The following PTPRQ variants were observed in gnomAD, a reference collection of about 807,000 sequenced individuals.
The protein encoded by PTPRQ is phosphatidylinositol phosphatase PTPRQ.
A neutral mutation model predicts 246.0 loss-of-function variants in PTPRQ; 199 were observed. The ratio of observed to expected loss-of-function variants is 0.81; its 90% CI spans 0.72 to 0.91. The LOEUF (loss-of-function observed/expected upper bound fraction) is 0.91, where lower values mean the gene tolerates loss of function less well. PTPRQ is among the 40% of genes least tolerant of loss of function. PTPRQ has a pLI of 0.00. For missense variants in PTPRQ, 2,624 were observed against 2,528.4 expected (o/e 1.04, Z -0.81); for synonymous variants, 869 against 853.2 (o/e 1.02, Z -0.32).
intron 33 of PTPRQ, among the ~76,000 whole-genome samples, chr12:80,630,769 T>G (rs559528530): frequency 6.6e-6 from 1 of 152,268 alleles, no homozygotes; most frequent in South Asian, 2.1e-4. Flanking sequence ...CAGGCTGGAG[T>G]GCAGTGGCAC....
chr12:80,481,305 C>A (rs1894045525), intron 8 of PTPRQ, among the ~76,000 whole-genome samples: 1 of 152,148 alleles, frequency 6.6e-6, no homozygotes, highest in Non-Finnish European at 1.5e-5. Context: ...GCAGAAAAGG[C>A]CTTTGACAAA....
chr12:80,472,005 G>T (rs1043456394), intron 7 of PTPRQ, 100 bp from the exon 8 acceptor site: 17 of 1,442,640 alleles, frequency 1.2e-5, no homozygotes, highest in Non-Finnish European at 1.4e-5. Flanking sequence ...TTAGTGCATA[G>T]GTTAACACTT....
In PTPRQ at chr12:80,480,468, A is replaced by C. The variant is rs557060240; in HGVS notation, c.1187-3965A>C. Among the ~76,000 whole-genome samples the C allele has an allele frequency of 5.7e-3, 858 of 150,308 alleles. 11 individuals are homozygous for C. Among genetic ancestry groups the C allele is most frequent in the African/African-American group, 0.02 (822 of 40,538 alleles). On this transcript the variant is annotated intron_variant, in intron 8 of 44. Transcript: ENST00000644991. ...CTAACATCACAATTAAAAGAACTAG[A>C]AAAGCAAGAGCAAACACATTCAAAA... is the stretch of plus-strand genomic sequence containing the variant.
intron 3 of PTPRQ, among the ~76,000 whole-genome samples, chr12:80,455,187 A>AAACAG (rs771469404): frequency 6.6e-6 from 1 of 152,180 alleles, no homozygotes; most frequent in East Asian, 1.9e-4. Context: ...AAACAAAACA[A>AAACAG]ACAAACAAAA....
intron 43 of PTPRQ, among the ~76,000 whole-genome samples, chr12:80,676,920 G>T (rs1231086845): frequency 6.6e-6 from 1 of 152,160 alleles, no homozygotes; most frequent in Admixed American, 6.6e-5. Flanking sequence ...CCCCAGATGA[G>T]GAAATTGTGC....
chr12:80,644,154 C>A (rs1191907109), intron 35 of PTPRQ, among the ~76,000 whole-genome samples: 2 of 152,154 alleles, frequency 1.3e-5, no homozygotes, highest in Non-Finnish European at 1.5e-5. Flanking sequence ...CCACTGCCAA[C>A]ATAAATAAAT....
intron 25 of PTPRQ, among the ~76,000 whole-genome samples, chr12:80,556,870 A>G (rs1896661274): frequency 1.3e-5 from 2 of 152,196 alleles, no homozygotes; most frequent in Non-Finnish European, 2.9e-5. Context: ...AAGCTTGACT[A>G]CAGAGGAGGG....
chr12:80,510,400 C>T lies in PTPRQ; in HGVS notation c.2635C>T (p.Leu879=), dbSNP rs1274618560. 6.4e-7 allele frequency: 1 copy of T among 1,550,462 alleles called. No homozygotes were observed. Among genetic ancestry groups the T allele is most frequent in the Non-Finnish European group, 8.7e-7 (1 of 1,146,158 alleles). Residue 879 remains leucine, a synonymous_variant, in exon 17 of 45, where the codon CTG becomes TTG. Coordinates refer to ENST00000644991, the MANE Select transcript of PTPRQ (RefSeq NM_001145026.2). ...VTVKLSWQPP[L]EPNGIILYYT... The stretch of plus-strand genomic sequence containing the variant: ...GGTGAAGTTGTCATGGCAACCACCC[C>T]TGGAGCCAAATGGAATTATCCTTTA...
At chr12:80,572,542 G>GT (rs1230385094) in intron 25 of PTPRQ, among the ~76,000 whole-genome samples, 51 of 152,176 alleles carry the variant, frequency 3.4e-4, no homozygotes, top group Non-Finnish European at 2.8e-4. Flanking sequence ...TGACTCTCCA[G>GT]TACAGTGTTA....
In PTPRQ at chr12:80,670,338, G is replaced by C. The variant is rs754052310; in HGVS notation, c.6454-6G>C. 2 of 1,549,904 alleles carry C rather than the reference G, an allele frequency of 1.3e-6. No homozygotes were observed. The highest frequency in any genetic ancestry group is 2.4e-5 in the South Asian group (2 of 83,770). ...TTGTCATTCATTAATCCGTCCCTTT[G>C]TCTAGCATGGGGATTGCATGACTGT... On this transcript the variant is annotated splice_region_variant and splice_polypyrimidine_tract_variant and intron_variant, in intron 41 of 44. Transcript: ENST00000644991.
At chr12:80,501,596 T>C (rs1894801078) in intron 14 of PTPRQ, among the ~76,000 whole-genome samples, 4 of 151,942 alleles carry the variant, frequency 2.6e-5, no homozygotes, top group Admixed American at 2.6e-4. Flanking sequence ...GATAAAGTCA[T>C]ATCACTGGAC....
intron 26 of PTPRQ, 77 bp from the exon 27 acceptor site, chr12:80,604,982 C>T (rs1464115169): frequency 2.3e-6 from 3 of 1,331,524 alleles, no homozygotes; most frequent in Admixed American, 3.5e-5. Flanking sequence ...ATCCATTTTT[C>T]ATGGTCTTTT....
chr12:80,586,875 GT>G (rs1299683350), intron 25 of PTPRQ: 2 of 152,134 alleles, frequency 1.3e-5, no homozygotes, highest in Non-Finnish European at 2.9e-5. Context: ...ATTGTGTTAG[GT>G]ATTGTAAATA....
chr12:80,668,532 G>C (rs1900860134), intron 39 of PTPRQ, among the ~76,000 whole-genome samples: 1 of 151,704 alleles, frequency 6.6e-6, no homozygotes, highest in Admixed American at 6.6e-5. Context: ...TCATGGAGTG[G>C]GTTTAGAGAG....
At chr12:80,616,918 C>T (rs1479032582) in intron 30 of PTPRQ, among the ~76,000 whole-genome samples, 1 of 151,120 alleles carries the variant, frequency 6.6e-6, no homozygotes, top group Non-Finnish European at 1.5e-5. Context: ...TGAAAACCAG[C>T]AGGTAATAAT....
At chr12:80,487,116 GC>G (rs1202087493) in intron 9 of PTPRQ, among the ~76,000 whole-genome samples, 2 of 151,986 alleles carry the variant, frequency 1.3e-5, no homozygotes, top group African/African-American at 4.8e-5. Context: ...TGACTCTTTT[GC>G]CTTACTTTCT....
intron 7 of PTPRQ, 47 bp from the exon 8 acceptor site, chr12:80,472,058 G>A (rs1322510857): frequency 6.5e-7 from 1 of 1,548,568 alleles, no homozygotes; most frequent in Admixed American, 2.0e-5. Context: ...GAACATGATT[G>A]CACGCTTGAT....
intron 8 of PTPRQ, among the ~76,000 whole-genome samples, chr12:80,472,671 G>A (rs1165702012): frequency 1.3e-5 from 2 of 152,086 alleles, no homozygotes; most frequent in South Asian, 2.1e-4. Flanking sequence ...TAATCAAAAC[G>A]GGATTCTAAG....
chr12:80,492,077 T>G (rs1342117453), intron 9 of PTPRQ, among the ~76,000 whole-genome samples: 2 of 151,892 alleles, frequency 1.3e-5, no homozygotes, highest in Admixed American at 6.6e-5. Flanking sequence ...TTTTCAAAAC[T>G]GTTTGATTTT....
Sources: gnomAD v4.1 joint callset for allele counts (sites outside exome capture counted in the v4.1 genomes callset) on GRCh38, gnomAD v4.1.1 for gene constraint, MANE v1.5 for transcripts, NCBI Gene and HGNC (gene_info 2026-07-23, HGNC 2026-07-21) for gene names.